The following KCNMA1 variants were observed in gnomAD, a reference collection of about 807,000 sequenced individuals.
The protein encoded by KCNMA1 is Calcium-activated potassium channel subunit alpha-1.
In KCNMA1, 29 loss-of-function variants were observed where a neutral mutation model predicts 140.0. The observed-to-expected ratio is 0.21, with a 90% CI of 0.15 to 0.28. The LOEUF is 0.28. Among genes scored for constraint, KCNMA1 ranks in the 10% least tolerant of loss-of-function variants. The pLI, the probability that KCNMA1 is intolerant of heterozygous loss-of-function variation, is 1.00. For missense variants in KCNMA1, 880 were observed against 1,602.2 expected (o/e 0.55, Z 7.70); for synonymous variants, 612 against 611.9 (o/e 1.00, Z 0.00).
intron 23 of KCNMA1, among the ~76,000 whole-genome samples, chr10:76,931,452 C>T (rs745631167): frequency 2.0e-5 from 3 of 151,574 alleles, no homozygotes; most frequent in Non-Finnish European, 4.4e-5. Context: ...GTACAAGACC[C>T]CTTTCCCAGT....
chr10:77,205,735 A>T (rs903396927), intron 3 of KCNMA1, among the ~76,000 whole-genome samples: 1 of 152,148 alleles, frequency 6.6e-6, no homozygotes, highest in African/African-American at 2.4e-5. Context: ...TTGTCCTCTC[A>T]TATCAGCCTA....
intron 2 of KCNMA1, among the ~76,000 whole-genome samples, chr10:77,380,036 A>T (rs889705604): frequency 1.3e-5 from 2 of 152,214 alleles, no homozygotes; most frequent in African/African-American, 4.8e-5. Context: ...GCATTTAGTA[A>T]ATCCTTCATA....
At chr10:77,345,312 A>T (rs1221198081) in intron 2 of KCNMA1, among the ~76,000 whole-genome samples, 2 of 152,158 alleles carry the variant, frequency 1.3e-5, no homozygotes, top group Non-Finnish European at 2.9e-5. Context: ...ATCTCCATAG[A>T]ATCGGTCCCA....
intron 1 of KCNMA1, among the ~76,000 whole-genome samples, chr10:77,550,471 T>G (rs1418909847): frequency 6.6e-6 from 1 of 152,208 alleles, no homozygotes; most frequent in Non-Finnish European, 1.5e-5. Context: ...GCTTTCTCTT[T>G]TATCTCCTGG....
chr10:77,467,323 G>C (rs2098046662), intron 1 of KCNMA1, among the ~76,000 whole-genome samples: 1 of 152,222 alleles, frequency 6.6e-6, no homozygotes, highest in African/African-American at 2.4e-5. Flanking sequence ...CAAGCTCTCT[G>C]TTGGTTGCAT....
chr10:77,311,669 T>C (rs1305841022), intron 2 of KCNMA1, among the ~76,000 whole-genome samples: 1 of 152,184 alleles, frequency 6.6e-6, no homozygotes, highest in African/African-American at 2.4e-5. Flanking sequence ...AATAAAGCTA[T>C]TTCAGCTCTG....
At chr10:77,344,697 C>T (rs2091792062) in intron 2 of KCNMA1, among the ~76,000 whole-genome samples, 1 of 152,012 alleles carries the variant, frequency 6.6e-6, no homozygotes. Context: ...TATCATTGGA[C>T]CTCACCCGTA....
intron 1 of KCNMA1, among the ~76,000 whole-genome samples, chr10:77,579,233 G>A (rs2154562558): frequency 6.6e-6 from 1 of 152,362 alleles, no homozygotes; most frequent in South Asian, 2.1e-4. Flanking sequence ...CCGGCAGCTG[G>A]GAGTTGCTAA....
At chr10:77,415,497 G>C (rs963015070) in intron 1 of KCNMA1, among the ~76,000 whole-genome samples, 1 of 152,220 alleles carries the variant, frequency 6.6e-6, no homozygotes, top group Non-Finnish European at 1.5e-5. Flanking sequence ...GCCCAGACAA[G>C]AAAACTGTGG....
chr10:77,098,241 G>C (rs1174428344), intron 9 of KCNMA1, among the ~76,000 whole-genome samples: 3 of 152,170 alleles, frequency 2.0e-5, no homozygotes, highest in Non-Finnish European at 2.9e-5. Flanking sequence ...GATTTTGCCT[G>C]TCCTGCATAC....
In KCNMA1 at chr10:77,292,223, G is replaced by A. The variant is rs574416233; in HGVS notation, c.541-40967C>T. ...CGCCGGGCCTCAGGAAGTCTCCACT[G>A]TTAAACCCAGCCTGCAAAGCCCTTC... On this transcript the variant is annotated intron_variant, in intron 2 of 27. Transcript: ENST00000286628. 8.5e-5 allele frequency among the ~76,000 whole-genome samples: 13 copies of A among 152,268 alleles called. No individual in the cohort carries two copies. In the South Asian group the frequency reaches 1.5e-3, roughly 17 times the overall value.
At chr10:77,189,154 A>G (rs1483300764) in intron 3 of KCNMA1, among the ~76,000 whole-genome samples, 1 of 152,100 alleles carries the variant, frequency 6.6e-6, no homozygotes, top group Non-Finnish European at 1.5e-5. Context: ...AGTTTCCCAG[A>G]TAATGGGGAT....
At chr10:77,569,613 G>T (rs1023398370) in intron 1 of KCNMA1, among the ~76,000 whole-genome samples, 24 of 152,140 alleles carry the variant, frequency 1.6e-4, no homozygotes, top group African/African-American at 5.5e-4. Flanking sequence ...TTAAATGTTA[G>T]ACCTAAAACC....
intron 15 of KCNMA1, among the ~76,000 whole-genome samples, chr10:77,038,182 C>T (rs564752852): frequency 1.3e-5 from 2 of 152,246 alleles, no homozygotes; most frequent in East Asian, 1.9e-4. Flanking sequence ...CAGGTAAACA[C>T]GAAGCCACCA....
In KCNMA1 at chr10:77,564,140, C is replaced by A. The variant is rs79472171; in HGVS notation, c.378+73125G>T. Among the ~76,000 whole-genome samples the A allele has an allele frequency of 2.0e-5, 3 of 152,244 alleles. No individual in the cohort carries two copies. The East Asian group carries it at 5.8e-4, about 29-fold the overall frequency. ...ATTATACCGGGCAGAAAACAAGGAACAAAAAGAGAAGAACAGAGATGAGGA... is the reference window on the plus strand; with the variant it reads ...ATTATACCGGGCAGAAAACAAGGAAAAAAAAGAGAAGAACAGAGATGAGGA... On this transcript the variant is annotated intron_variant, in intron 1 of 27. Coordinates refer to ENST00000286628, the MANE Select transcript of KCNMA1 (RefSeq NM_001161352.2).
At chr10:76,895,419 G>C (rs1371471979) in intron 25 of KCNMA1, among the ~76,000 whole-genome samples, 1 of 152,068 alleles carries the variant, frequency 6.6e-6, no homozygotes, top group Non-Finnish European at 1.5e-5. Context: ...ATATGACCCA[G>C]AAATTCCACT....
At chr10:77,222,931 A>T (rs1223680554) in intron 3 of KCNMA1, among the ~76,000 whole-genome samples, 1 of 152,172 alleles carries the variant, frequency 6.6e-6, no homozygotes, top group African/African-American at 2.4e-5. Flanking sequence ...CTTTGGCTAT[A>T]AAGAATTTTA....
At chr10:77,445,650 G>A (rs968702124) in intron 1 of KCNMA1, among the ~76,000 whole-genome samples, 1 of 152,098 alleles carries the variant, frequency 6.6e-6, no homozygotes, top group Non-Finnish European at 1.5e-5. Context: ...CCCAAACCCA[G>A]CCCCAGGTAC....
At chr10:77,362,809 G>A (rs1281518858) in intron 2 of KCNMA1, among the ~76,000 whole-genome samples, 2 of 152,138 alleles carry the variant, frequency 1.3e-5, no homozygotes, top group African/African-American at 4.8e-5. Context: ...TTCACGGACC[G>A]CTTGCTTATA....
Sources: allele counts gnomAD v4.1 joint callset (sites outside exome capture counted in the v4.1 genomes callset), GRCh38; gene constraint gnomAD v4.1.1; transcripts MANE v1.5; gene names NCBI Gene and HGNC (gene_info 2026-07-23, HGNC 2026-07-21).